Variants in MAP2K6 observed in about 807,000 individuals in gnomAD.
The protein encoded by MAP2K6 is mitogen-activated protein kinase kinase 6.
In MAP2K6, 16 loss-of-function variants were observed where a neutral mutation model predicts 53.7. That is an observed-to-expected ratio of 0.30 (90% confidence interval 0.20 to 0.45). MAP2K6 has a LOEUF of 0.45. Ranked by LOEUF, MAP2K6 falls within the 20% of genes least tolerant of loss-of-function variation. The pLI is 1.00. For synonymous variants in MAP2K6, 132 were observed against 143.1 expected, an observed-to-expected ratio of 0.92 and a Z score of 0.55; for missense variants, 204 against 411.9, an observed-to-expected ratio of 0.50 and a Z score of 4.37.
At chr17:69,426,836 T>G (rs188019693) in intron 1 of MAP2K6, among the ~76,000 whole-genome samples, 3 of 152,142 alleles carry the variant, frequency 2.0e-5, no homozygotes. Context: ...CAGCAAAGTA[T>G]CTGAAGCTTA....
chr17:69,415,570 C>T (rs1172793633), intron 1 of MAP2K6, among the ~76,000 whole-genome samples: 1 of 152,176 alleles, frequency 6.6e-6, no homozygotes, highest in Non-Finnish European at 1.5e-5. Flanking sequence ...TGAATAACAG[C>T]ATATCACAAA....
intron 1 of MAP2K6, among the ~76,000 whole-genome samples, chr17:69,445,254 A>C (rs139781592): frequency 6.6e-6 from 1 of 152,222 alleles, no homozygotes; most frequent in African/African-American, 2.4e-5. Flanking sequence ...AAATTTTACC[A>C]ACTCCGAGGT....
intron 1 of MAP2K6, among the ~76,000 whole-genome samples, chr17:69,415,350 AT>A (rs1349625208): frequency 6.6e-6 from 1 of 152,214 alleles, no homozygotes; most frequent in Non-Finnish European, 1.5e-5. Flanking sequence ...ATTGTAAGTA[AT>A]TTTGTATGCA....
chr17:69,520,956 C>T, intron 6 of MAP2K6, 93 bp from the exon 7 acceptor site: 6 of 989,682 alleles, frequency 6.1e-6, no homozygotes, highest in Non-Finnish European at 9.1e-6. Flanking sequence ...TCACTGGTAA[C>T]CTAAAGCCAA....
intron 2 of MAP2K6, among the ~76,000 whole-genome samples, chr17:69,513,390 T>G (rs1163177683): frequency 6.6e-6 from 1 of 152,208 alleles, no homozygotes; most frequent in Non-Finnish European, 1.5e-5. Context: ...AAATCAAGGC[T>G]GAGATTCGGG....
intron 1 of MAP2K6, among the ~76,000 whole-genome samples, chr17:69,457,439 G>T (rs934017630): frequency 6.6e-6 from 1 of 152,190 alleles, no homozygotes; most frequent in Non-Finnish European, 1.5e-5. Flanking sequence ...TTTCATAGGG[G>T]ATCCTCTTCT....
chr17:69,430,932 G>A (rs371048710), intron 1 of MAP2K6, among the ~76,000 whole-genome samples: 34 of 152,308 alleles, frequency 2.2e-4, no homozygotes, highest in African/African-American at 7.2e-4. Context: ...GATGTAGAGC[G>A]ACTCACTCAG....
At chr17:69,430,297 C>G (rs1169878748) in intron 1 of MAP2K6, among the ~76,000 whole-genome samples, 1 of 151,996 alleles carries the variant, frequency 6.6e-6, no homozygotes, top group Non-Finnish European at 1.5e-5. Flanking sequence ...GATCGTGCCA[C>G]TGCACTCCAG....
chr17:69,488,419 G>T (rs1344793624), intron 1 of MAP2K6, among the ~76,000 whole-genome samples: 1 of 152,116 alleles, frequency 6.6e-6, no homozygotes, highest in African/African-American at 2.4e-5. Flanking sequence ...TCCCATTGCT[G>T]GGTATATATC....
chr17:69,499,628 C>T (rs1221186998), intron 1 of MAP2K6, among the ~76,000 whole-genome samples: 1 of 152,110 alleles, frequency 6.6e-6, no homozygotes, highest in Non-Finnish European at 1.5e-5. Context: ...AAAAGAATAA[C>T]AAACATTCAG....
intron 1 of MAP2K6, among the ~76,000 whole-genome samples, chr17:69,460,865 G>A (rs1907602903): frequency 6.6e-6 from 1 of 152,172 alleles, no homozygotes; most frequent in Non-Finnish European, 1.5e-5. Context: ...CTCCCAAGGT[G>A]CTGGGATTAC....
chr17:69,516,251 A>G (rs2521353), intron 2 of MAP2K6, among the ~76,000 whole-genome samples: 79,552 of 151,502 alleles, frequency 0.53, 22,109 homozygotes, highest in African/African-American at 0.72. Flanking sequence ...GGGAGACAGC[A>G]ACAGATCATC....
intron 1 of MAP2K6, among the ~76,000 whole-genome samples, chr17:69,432,698 G>A (rs888444878): frequency 3.9e-5 from 6 of 151,958 alleles, no homozygotes; most frequent in Non-Finnish European, 7.4e-5. Context: ...GCTAATGCAT[G>A]TGGGGCTTAA....
intron 1 of MAP2K6, among the ~76,000 whole-genome samples, chr17:69,432,330 C>T (rs751917553): frequency 1.3e-5 from 2 of 152,188 alleles, no homozygotes; most frequent in Non-Finnish European, 2.9e-5. Context: ...ATAAATCACT[C>T]TATTATGAAG....
chr17:69,469,930 C>T (rs181883961), intron 1 of MAP2K6, among the ~76,000 whole-genome samples: 3 of 151,692 alleles, frequency 2.0e-5, no homozygotes, highest in Admixed American at 1.3e-4. Flanking sequence ...CATGGTGGCT[C>T]ATGCCTCATG....
At chr17:69,463,550 C>T (rs1407711574) in intron 1 of MAP2K6, among the ~76,000 whole-genome samples, 3 of 149,476 alleles carry the variant, frequency 2.0e-5, no homozygotes. Flanking sequence ...CTGCAACCTC[C>T]ACCTCCCACG....
chr17:69,521,170 T>G lies in MAP2K6; in HGVS notation c.535+70T>G, dbSNP rs1373555873. 4.3e-6 allele frequency: 6 copies of G among 1,405,006 alleles called. No homozygotes were observed. In the African/African-American group the frequency reaches 5.7e-5, roughly 13 times the overall value. 87.0% of individuals were successfully genotyped at this position (1,405,006 alleles called of 1,614,324 possible). A position where few individuals can be genotyped will look rare whatever the true frequency, so the allele number is the denominator to read the frequency against. On this transcript the variant is annotated intron_variant, in intron 7 of 11. Transcript: ENST00000590474. ...ATCTCTTTCACCTGGAGTCCGTCTC[T>G]ACCCCCAGTCCCCCATGGGTGGAAG...
Position 69,437,098 on chromosome 17 carries a change from A to G in MAP2K6, c.16+22098A>G, listed in dbSNP as rs572952661. ...CGCCTTGGCCTCCCAAAGTGCTGGG[A>G]TTACAGGCGTGAGCCACCGTGCCTG... is the stretch of plus-strand genomic sequence containing the variant. On this transcript the variant is annotated intron_variant, in intron 1 of 11. Coordinates refer to ENST00000590474, the MANE Select transcript of MAP2K6 (RefSeq NM_002758.4). Among the ~76,000 whole-genome samples the G allele has an allele frequency of 9.1e-4, 139 of 152,304 alleles. 1 individual carries two copies. The highest frequency in any genetic ancestry group is 3.3e-3 in the African/African-American group (137 of 41,554).
At chr17:69,425,458 GC>G (rs1906241510) in intron 1 of MAP2K6, among the ~76,000 whole-genome samples, 1 of 151,826 alleles carries the variant, frequency 6.6e-6, no homozygotes, top group Non-Finnish European at 1.5e-5. Context: ...GATTACAGGC[GC>G]CCACCACCAC....
Sources: gnomAD v4.1 joint callset for allele counts (sites outside exome capture counted in the v4.1 genomes callset) on GRCh38, gnomAD v4.1.1 for gene constraint, MANE v1.5 for transcripts, NCBI Gene and HGNC (gene_info 2026-07-23, HGNC 2026-07-21) for gene names.